Variants in LTBP4 observed in about 807,000 individuals in gnomAD.
The protein encoded by LTBP4 is latent transforming growth factor beta binding protein 4, also known as latent-transforming growth factor beta-binding protein 4.
A neutral mutation model predicts 180.2 loss-of-function variants in LTBP4; 93 were observed. The observed-to-expected ratio is 0.52, with a 90% CI of 0.44 to 0.61. LTBP4 has a LOEUF of 0.61. Among genes scored for constraint, LTBP4 ranks in the 20% least tolerant of loss-of-function variants. The pLI is 0.00. For missense variants in LTBP4, 2,116 were observed against 2,256.5 expected, an observed-to-expected ratio of 0.94 and a Z score of 1.26; for synonymous variants, 947 against 934.5, an observed-to-expected ratio of 1.01 and a Z score of -0.24.
chr19:40,610,063 AC>A, intron 11 of LTBP4, 192 bp downstream of exon 11: 1 of 692,170 alleles, frequency 1.4e-6, no homozygotes, highest in African/African-American at 2.0e-5. Context: ...CCCCACCCCT[AC>A]CCAGCTCCCA....
At chr19:40,619,877 A>AG (rs1174980680) in intron 22 of LTBP4, among the ~76,000 whole-genome samples, 2 of 152,182 alleles carry the variant, frequency 1.3e-5, no homozygotes, top group African/African-American at 2.4e-5. Flanking sequence ...GGGAAAGCCC[A>AG]GGGGGGTTTT....
chr19:40,607,107 G>T (rs571879976), intron 6 of LTBP4, among the ~76,000 whole-genome samples: 1 of 151,990 alleles, frequency 6.6e-6, no homozygotes, highest in Non-Finnish European at 1.5e-5. Flanking sequence ...CCCCCTCAAC[G>T]ACTCGACTAT....
chr19:40,611,337 T>C lies in LTBP4; in HGVS notation c.1996T>C (p.Phe666Leu), dbSNP rs1599866465. 6.2e-7 allele frequency: 1 copy of C among 1,611,138 alleles called. No individual in the cohort carries two copies. Among genetic ancestry groups the C allele is most frequent in the South Asian group, 1.1e-5 (1 of 90,962 alleles). Reference protein sequence around the residue: ...PGRCDNTAGSFHCACPAGFRS... With the variant: ...PGRCDNTAGSLHCACPAGFRS... ...CCGCTGTGACAACACGGCAGGCTCCTTTCACTGTGCCTGCCCTGCTGGCTT... is the reference window on the plus strand; with the variant it reads ...CCGCTGTGACAACACGGCAGGCTCCCTTCACTGTGCCTGCCCTGCTGGCTT... The change falls in exon 13 of 30, where the codon TTT (phenylalanine) becomes CTT (leucine). Residue 666 changes from phenylalanine (F) to leucine (L), a missense_variant. This residue lies in a region of LTBP4 where 877 missense variants were observed against 873.6 expected (regional missense o/e 1.00). Transcript: ENST00000396819. The surrounding 1 kb of genome is among the most constrained non-coding windows in gnomAD (Gnocchi z 4.4).
chr19:40,598,559 T>G (rs1051494547), upstream of LTBP4: 1 of 152,926 alleles, frequency 6.5e-6, no homozygotes, highest in African/African-American at 2.4e-5. Context: ...TTTCTCCTGG[T>G]CAGGCGGGAA....
chr19:40,608,779 C>T (rs2081483276), intron 9 of LTBP4, 176 bp downstream of exon 9: 2 of 641,182 alleles, frequency 3.1e-6, no homozygotes, highest in Non-Finnish European at 5.2e-6. Context: ...GGCGTGGTGG[C>T]AGATGCCTGT....
intron 19 of LTBP4, among the ~76,000 whole-genome samples, chr19:40,614,931 T>C (rs1271077656): frequency 6.6e-6 from 1 of 152,166 alleles, no homozygotes; most frequent in African/African-American, 2.4e-5. Flanking sequence ...GAAATTCTCC[T>C]AGCATTGGCC....
chr19:40,625,276 A>T (rs187396800), intron 26 of LTBP4, among the ~76,000 whole-genome samples: 13 of 4,460 alleles, frequency 2.9e-3, no homozygotes, highest in African/African-American at 0.013. Flanking sequence ...ATATATATAT[A>T]TATATATATA....
chr19:40,616,121 A>C (rs985611909), intron 19 of LTBP4, among the ~76,000 whole-genome samples: 11 of 152,000 alleles, frequency 7.2e-5, no homozygotes, highest in African/African-American at 2.7e-4. Context: ...GAGAAATGGC[A>C]GTGAGGACTT....
chr19:40,606,300 C>T lies in LTBP4; in HGVS notation c.861C>T (p.Ser287=), dbSNP rs1431559738. The change falls in exon 5 of 30, where the codon TCC becomes TCT. Residue 287 remains serine (S), a synonymous_variant. Transcript: ENST00000396819. ...CPTGFERVNG[S]CEDVDECATG... is the part of the protein sequence containing the mutation. ...CCGGCTTTGAAAGAGTTAATGGGTC[C>T]TGCGAAGGTGCAACGGGGCAGGGGT... 2 of 1,601,408 alleles carry T rather than the reference C, an allele frequency of 1.2e-6. No individual in the cohort carries two copies. The highest frequency in any genetic ancestry group is 2.7e-5 in the African/African-American group (2 of 74,748).
Position 40,605,048 on chromosome 19 carries a change from G to T in LTBP4, c.264G>T (p.Leu88Phe). 6.2e-7 allele frequency: 1 copy of T among 1,613,230 alleles called. No individual in the cohort carries two copies. The highest frequency in any genetic ancestry group is 8.5e-7 in the Non-Finnish European group (1 of 1,179,510). Residue 88 changes from leucine to phenylalanine, a missense_variant, in exon 2 of 30, where the codon TTG becomes TTT. Coordinates refer to ENST00000396819, the MANE Select transcript of LTBP4 (RefSeq NM_001042545.2). This position sits in a 1 kb window ranked among gnomAD's most constrained non-coding sequence, Gnocchi z 5.5. ...GPGFRAFLCP[L>F]ICHNGGVCVK... ...TTCTCCTCCCAGTCCTGTGTCCCTT[G>T]ATCTGTCACAATGGCGGTGTGTGCG...
At chr19:40,599,520 G>A (rs200951126), upstream of LTBP4, 219 of 1,612,308 alleles carry the variant, frequency 1.4e-4, no homozygotes, top group Non-Finnish European at 1.8e-4. Context: ...CCCAGCGTGA[G>A]GAAGAGACAG....
Position 40,613,805 on chromosome 19 carries a change from T to C in LTBP4, c.2558-111T>C. On this transcript the variant is annotated intron_variant, in intron 17 of 29. Coordinates refer to ENST00000396819, the MANE Select transcript of LTBP4 (RefSeq NM_001042545.2). This position sits in a 1 kb window ranked among gnomAD's most constrained non-coding sequence, Gnocchi z 5.0. Reference sequence around the variant, plus strand: ...AGGGAGGGAAGTAGCGTGAGGCAGGTTGGGGAAGGCGTGAGAGGCCTAGGA... The same window carrying C: ...AGGGAGGGAAGTAGCGTGAGGCAGGCTGGGGAAGGCGTGAGAGGCCTAGGA... 1 of 1,491,098 alleles carries C rather than the reference T, an allele frequency of 6.7e-7. No homozygotes were observed. The allele number at this position is 1,491,098 out of a possible 1,614,324, so 92.4% of individuals were successfully genotyped here.
chr19:40,627,486 A>C, intron 28 of LTBP4, 131 bp downstream of exon 28: 1 of 1,319,696 alleles, frequency 7.6e-7, no homozygotes, highest in South Asian at 1.5e-5. Flanking sequence ...AGAAAGGGAC[A>C]GAGAAGTGTC....
Position 40,613,051 on chromosome 19 carries a change from C to A in LTBP4, c.2300-14C>A, listed in dbSNP as rs554766786. 8.1e-5 allele frequency: 131 copies of A among 1,610,766 alleles called. No homozygotes were observed. Among genetic ancestry groups the A allele is most frequent in the Non-Finnish European group, 1.1e-4 (129 of 1,178,340 alleles). Reference sequence around the variant, plus strand: ...CGAGACTGGACCCTTTCTGAACACCCCCACCCCCCACAGATGTGGACGAAT... The same window carrying A: ...CGAGACTGGACCCTTTCTGAACACCACCACCCCCCACAGATGTGGACGAAT... On this transcript the variant is annotated splice_polypyrimidine_tract_variant and intron_variant, in intron 15 of 29. Coordinates refer to ENST00000396819, the MANE Select transcript of LTBP4 (RefSeq NM_001042545.2). This position sits in a 1 kb window ranked among gnomAD's most constrained non-coding sequence, Gnocchi z 5.0.
rs569784624 is a variant in LTBP4, at chr19:40,625,925, C to T, written c.3901C>T (p.Arg1301Cys). The change falls in exon 27 of 30, where the codon CGT becomes TGT. Residue 1301 changes from arginine to cysteine, a missense_variant. Physicochemically the swap from Arg to Cys is radical, Grantham distance 180. Around this residue, in one of 5 missense-constraint regions of LTBP4, gnomAD observed 488 missense variants for 458.8 expected, o/e 1.06. Transcript: ENST00000396819. ...DLVCSHPRLD[R>C]QATYTECCCL... ...CGTGTGCAGCCACCCTCGGCTGGACCGTCAGGCCACCTACACAGAGTGCTG... is the reference window on the plus strand; with the variant it reads ...CGTGTGCAGCCACCCTCGGCTGGACTGTCAGGCCACCTACACAGAGTGCTG... 38 of 1,604,430 alleles carry T rather than the reference C, an allele frequency of 2.4e-5. No individual in the cohort carries two copies. Among genetic ancestry groups the T allele is most frequent in the South Asian group, 3.4e-5 (3 of 88,992 alleles).
rs971677033 is a variant in LTBP4 at position 40,605,785 on chromosome 19, C to T, written c.747C>T (p.Gly249=). 3.2e-6 allele frequency: 5 copies of T among 1,541,566 alleles called. No individual in the cohort carries two copies. In the African/African-American group the frequency reaches 5.5e-5, roughly 17 times the overall value. Residue 249 remains glycine, a synonymous_variant, in exon 4 of 30, where the codon GGC becomes GGT. Coordinates refer to ENST00000396819, the MANE Select transcript of LTBP4 (RefSeq NM_001042545.2). This position sits in a 1 kb window ranked among gnomAD's most constrained non-coding sequence, Gnocchi z 5.5. ...AGGAGGTCTGCTGCCGAGGGGCCGGCTTGGCCTGGGGCGTTCACGACTGTC... is the reference window on the plus strand; with the variant it reads ...AGGAGGTCTGCTGCCGAGGGGCCGGTTTGGCCTGGGGCGTTCACGACTGTC... ...RTQEVCCRGA[G]LAWGVHDCQL...
upstream of LTBP4, chr19:40,600,220 C>T: frequency 8.6e-7 from 1 of 1,160,600 alleles, no homozygotes; most frequent in Non-Finnish European, 1.1e-6. The surrounding 1 kb of genome is among the most constrained non-coding windows in gnomAD (Gnocchi z 4.4). Context: ...GAGGGGGGTT[C>T]CGGGCCAGAT....
rs2081659287 is a variant in LTBP4 at position 40,629,247 on chromosome 19, G to A, written c.4520-149G>A. 9 of 952,294 alleles carry A rather than the reference G, an allele frequency of 9.5e-6. No individual in the cohort carries two copies. Among genetic ancestry groups the A allele is most frequent in the South Asian group, 4.4e-5 (3 of 68,420 alleles). The allele number at this position is 952,294 out of a possible 1,614,324, so 59.0% of individuals were successfully genotyped here. On this transcript the variant is annotated intron_variant, in intron 29 of 29. Transcript: ENST00000396819. The surrounding 1 kb of genome is among the most constrained non-coding windows in gnomAD (Gnocchi z 4.5). ...CACAGTGAGGTTAAGCCACCTGGCC[G>A]GGCTCACACAGTTAGCAGATGGCAG... is the stretch of plus-strand genomic sequence containing the variant.
intron 1 of LTBP4, among the ~76,000 whole-genome samples, chr19:40,603,432 T>G (rs954840092): frequency 6.6e-6 from 1 of 152,172 alleles, no homozygotes; most frequent in African/African-American, 2.4e-5. Flanking sequence ...CTTCACTATC[T>G]AAACCCTGTT....
Sources: gnomAD v4.1 joint callset for allele counts (sites outside exome capture counted in the v4.1 genomes callset) on GRCh38, gnomAD v4.1.1 for gene constraint, gnomAD v4.1.1 regional missense constraint, Gnocchi (gnomAD v3.1) non-coding constraint, MANE v1.5 for transcripts, NCBI Gene and HGNC (gene_info 2026-07-23, HGNC 2026-07-21) for gene names.